Variants in ARHGAP6 observed in about 807,000 individuals in gnomAD.
ARHGAP6 encodes the protein rho GTPase-activating protein 6.
A neutral mutation model predicts 55.7 loss-of-function variants in ARHGAP6; 16 were observed. That is an observed-to-expected ratio of 0.29 (90% CI 0.19 to 0.44). The LOEUF is 0.44. Ranked by LOEUF, ARHGAP6 falls within the 20% of genes least tolerant of loss-of-function variation. The pLI, the probability that ARHGAP6 is intolerant of heterozygous loss-of-function variation, is 1.00. For synonymous variants in ARHGAP6, 382 were observed against 360.9 expected (o/e 1.06, Z -0.66); for missense variants, 698 against 808.9 (o/e 0.86, Z 1.66).
intron 1 of ARHGAP6, among the ~76,000 whole-genome samples, chrX:11,310,911 T>A (rs1276821164): frequency 8.9e-6 from 1 of 112,039 alleles, no homozygotes; most frequent in Non-Finnish European, 1.9e-5. Flanking sequence ...CTGTGAGAGT[T>A]TTTTTGGAAC....
intron 1 of ARHGAP6, among the ~76,000 whole-genome samples, chrX:11,264,490 A>C (rs181790890): frequency 8.9e-6 from 1 of 111,895 alleles, no homozygotes; most frequent in Admixed American, 9.5e-5. Context: ...AAAACGTCAG[A>C]GCAAAAGGTC....
intron 1 of ARHGAP6, among the ~76,000 whole-genome samples, chrX:11,364,787 G>A (rs1170265680): frequency 1.8e-5 from 2 of 111,184 alleles, no homozygotes; most frequent in Admixed American, 9.5e-5. Flanking sequence ...AGGCAACAGG[G>A]GGCACCCTGT....
At chrX:11,594,240 A>G (rs1302079992) in intron 1 of ARHGAP6, among the ~76,000 whole-genome samples, 2 of 110,826 alleles carry the variant, frequency 1.8e-5, no homozygotes, top group African/African-American at 6.6e-5. Context: ...CTTTGTATGT[A>G]TTTCCCTTAC....
chrX:11,644,948 C>T (rs948545528), intron 1 of ARHGAP6, among the ~76,000 whole-genome samples: 2 of 111,687 alleles, frequency 1.8e-5, no homozygotes, highest in Non-Finnish European at 3.8e-5. Flanking sequence ...TTTACTTTGA[C>T]GGGTGAATGG....
At chrX:11,345,002 CAA>C (rs1377472610) in intron 1 of ARHGAP6, among the ~76,000 whole-genome samples, 4 of 112,238 alleles carry the variant, frequency 3.6e-5, no homozygotes, top group African/African-American at 1.3e-4. Flanking sequence ...ATGTACTTTT[CAA>C]AGTTGCCATT....
At chrX:11,567,763 G>T (rs1027295226) in intron 1 of ARHGAP6, among the ~76,000 whole-genome samples, 4 of 109,199 alleles carry the variant, frequency 3.7e-5, no homozygotes, top group African/African-American at 1.3e-4. Context: ...CGAATTCCTG[G>T]ACTGAGGCGA....
intron 1 of ARHGAP6, among the ~76,000 whole-genome samples, chrX:11,615,865 G>A (rs2052157448): frequency 8.9e-6 from 1 of 112,058 alleles, no homozygotes; most frequent in Admixed American, 9.4e-5. Flanking sequence ...TAAAGAGGAT[G>A]AAACTATGTT....
At chrX:11,567,653 C>T (rs1436395194) in intron 1 of ARHGAP6, among the ~76,000 whole-genome samples, 1 of 107,771 alleles carries the variant, frequency 9.3e-6, no homozygotes, top group Non-Finnish European at 1.9e-5. Context: ...ATCCAACCAG[C>T]TGCTTGTTTT....
At chrX:11,172,166 C>A (rs1238465681) in intron 8 of ARHGAP6, among the ~76,000 whole-genome samples, 3 of 111,271 alleles carry the variant, frequency 2.7e-5, no homozygotes, top group Admixed American at 9.6e-5. Flanking sequence ...CCCTGCCCTG[C>A]AATCCCAGCT....
intron 10 of ARHGAP6, among the ~76,000 whole-genome samples, chrX:11,151,626 G>C (rs1300472942): frequency 8.9e-6 from 1 of 111,900 alleles, no homozygotes; most frequent in Non-Finnish European, 1.9e-5. Flanking sequence ...CTCCAATACC[G>C]ATGTTGCATA....
intron 1 of ARHGAP6, among the ~76,000 whole-genome samples, chrX:11,324,058 C>A (rs969028251): frequency 9.0e-6 from 1 of 110,946 alleles, no homozygotes; most frequent in African/African-American, 3.3e-5. Flanking sequence ...TCAGCTTACA[C>A]AATTCTGACT....
At chrX:11,460,600 CA>C (rs2050234982) in intron 1 of ARHGAP6, among the ~76,000 whole-genome samples, 1 of 112,007 alleles carries the variant, frequency 8.9e-6, no homozygotes, top group Non-Finnish European at 1.9e-5. Flanking sequence ...TCCAGTCATT[CA>C]TTTAACATTT....
chrX:11,234,977 T>C (rs1473286202), intron 2 of ARHGAP6, among the ~76,000 whole-genome samples: 1 of 112,452 alleles, frequency 8.9e-6, no homozygotes, highest in Non-Finnish European at 1.9e-5. Flanking sequence ...ATTCCTGCTA[T>C]ATAGATGACA....
intron 1 of ARHGAP6, among the ~76,000 whole-genome samples, chrX:11,638,011 A>G: frequency 9.0e-6 from 1 of 111,577 alleles, no homozygotes; most frequent in African/African-American, 3.2e-5. Flanking sequence ...GAGAAATCTT[A>G]TTTTTAATTC....
chrX:11,390,479 A>C (rs1247072708), intron 1 of ARHGAP6, among the ~76,000 whole-genome samples: 3 of 111,345 alleles, frequency 2.7e-5, no homozygotes, highest in Admixed American at 1.9e-4. Context: ...TAATTAAACT[A>C]AAGAGCTTCT....
chrX:11,548,942 T>C (rs2051239482), intron 1 of ARHGAP6, among the ~76,000 whole-genome samples: 1 of 112,353 alleles, frequency 8.9e-6, no homozygotes, highest in South Asian at 3.7e-4. Context: ...ATATGTACTA[T>C]ATATGTAGAA....
At chrX:11,419,380 G>A (rs1278531465) in intron 1 of ARHGAP6, among the ~76,000 whole-genome samples, 1 of 112,143 alleles carries the variant, frequency 8.9e-6, no homozygotes, top group Non-Finnish European at 1.9e-5. Context: ...TAATGTGGGA[G>A]GATGCCTTAA....
intron 1 of ARHGAP6, among the ~76,000 whole-genome samples, chrX:11,406,774 T>C (rs2049614478): frequency 9.0e-6 from 1 of 111,215 alleles, no homozygotes; most frequent in South Asian, 3.8e-4. Flanking sequence ...CAGTTTCCCA[T>C]GACATAAAAT....
chrX:11,638,356 G>A (rs1180716707), intron 1 of ARHGAP6, among the ~76,000 whole-genome samples: 3 of 111,919 alleles, frequency 2.7e-5, no homozygotes, highest in Admixed American at 9.5e-5. Context: ...TTGTTTACAA[G>A]TCAGCACACG....
Sources: gnomAD v4.1 joint callset for allele counts (sites outside exome capture counted in the v4.1 genomes callset) on GRCh38, gnomAD v4.1.1 for gene constraint, MANE v1.5 for transcripts, NCBI Gene and HGNC (gene_info 2026-07-23, HGNC 2026-07-21) for gene names.